TNKS: variants seen among roughly 807,000 people sequenced by gnomAD.
TNKS encodes poly [ADP-ribose] polymerase tankyrase-1.
TNKS carries 72 observed loss-of-function variants against 135.8 expected under a neutral mutation model. That is an observed-to-expected ratio of 0.53 (90% CI 0.44 to 0.64). The LOEUF (loss-of-function observed/expected upper bound fraction) is 0.64, where lower values mean the gene tolerates loss of function less well. TNKS is among the 30% of genes least tolerant of loss of function. TNKS has a pLI of 0.00. For synonymous variants in TNKS, 849 were observed against 649.3 expected, an observed-to-expected ratio of 1.31 and a Z score of -4.68; for missense variants, 1,769 against 1,674.0, an observed-to-expected ratio of 1.06 and a Z score of -0.99.
intron 5 of TNKS, 41 bp from the exon 6 acceptor site, chr8:9,704,622 T>G (rs1803962698): frequency 8.6e-6 from 13 of 1,520,376 alleles, no homozygotes; most frequent in Non-Finnish European, 1.2e-5. Flanking sequence ...TTTCTTTGTT[T>G]GTTTGTTTTT....
chr8:9,619,936 C>G (rs1305763096), intron 3 of TNKS, among the ~76,000 whole-genome samples: 1 of 151,560 alleles, frequency 6.6e-6, no homozygotes, highest in African/African-American at 2.4e-5. Flanking sequence ...AAATTTGGAA[C>G]TCTTTCCTTA....
chr8:9,595,971 G>C (rs1798772761), intron 2 of TNKS, among the ~76,000 whole-genome samples: 1 of 152,068 alleles, frequency 6.6e-6, no homozygotes, highest in Admixed American at 6.5e-5. Flanking sequence ...AATTAGCTGG[G>C]GGTGGTGGCA....
chr8:9,567,052 C>A (rs1181501791), intron 1 of TNKS, among the ~76,000 whole-genome samples: 1 of 152,158 alleles, frequency 6.6e-6, no homozygotes, highest in Non-Finnish European at 1.5e-5. Context: ...GAAATAAAAT[C>A]TGTATTTTGT....
At chr8:9,650,216 T>C (rs1454142349) in intron 3 of TNKS, among the ~76,000 whole-genome samples, 1 of 152,036 alleles carries the variant, frequency 6.6e-6, no homozygotes, top group Admixed American at 6.6e-5. Context: ...TTTATCTGCT[T>C]GTCGATTGAT....
intron 3 of TNKS, among the ~76,000 whole-genome samples, chr8:9,655,229 A>C (rs1298260062): frequency 6.6e-6 from 1 of 152,200 alleles, no homozygotes; most frequent in Non-Finnish European, 1.5e-5. Context: ...TTGAGTAGGT[A>C]AACAAAGCAG....
In TNKS at chr8:9,776,846, TA is replaced by T. The variant is rs1299291735; in HGVS notation, c.*112del. ...CTAGAAGTCCCTGACAGCCTAGAAA[TA>T]AGCTGTTTGTCTTCTATAAAGCATT... On this transcript the variant is annotated 3_prime_UTR_variant, in exon 27 of 27. Transcript: ENST00000310430. 18 of 1,053,020 alleles carry T rather than the reference TA, an allele frequency of 1.7e-5. No homozygotes were observed. The highest frequency in any genetic ancestry group is 1.6e-4 in the South Asian group (11 of 70,350). 65.2% of individuals were successfully genotyped at this position (1,053,020 alleles called of 1,614,324 possible).
chr8:9,705,180 T>G (rs1304709499), intron 6 of TNKS, among the ~76,000 whole-genome samples: 1 of 152,190 alleles, frequency 6.6e-6, no homozygotes, highest in Non-Finnish European at 1.5e-5. Flanking sequence ...GGTGAAATCT[T>G]GGACATCTAA....
At chr8:9,657,695 TG>T (rs1801466289) in intron 3 of TNKS, among the ~76,000 whole-genome samples, 1 of 63,612 alleles carries the variant, frequency 1.6e-5, no homozygotes, top group Non-Finnish European at 3.2e-5. Context: ...CTGGCCGGGC[TG>T]AGGGGCTCCT....
intron 1 of TNKS, among the ~76,000 whole-genome samples, chr8:9,567,952 G>C (rs971967847): frequency 2.0e-5 from 3 of 152,092 alleles, no homozygotes; most frequent in Non-Finnish European, 4.4e-5. Flanking sequence ...TGAAAAAAAA[G>C]GGGGGTATCA....
At chr8:9,567,273 G>T (rs2129050580) in intron 1 of TNKS, among the ~76,000 whole-genome samples, 1 of 152,264 alleles carries the variant, frequency 6.6e-6, no homozygotes, top group Middle Eastern at 3.4e-3. Flanking sequence ...TGGAACATTT[G>T]CAGTTACTAG....
intron 2 of TNKS, among the ~76,000 whole-genome samples, chr8:9,606,120 G>T (rs141755534): frequency 2.0e-5 from 3 of 147,236 alleles, no homozygotes; most frequent in African/African-American, 7.4e-5. Context: ...TTGAGTTAAT[G>T]TGTTTGTGTG....
chr8:9,719,356 T>A (rs1804756764), intron 11 of TNKS, among the ~76,000 whole-genome samples: 1 of 151,612 alleles, frequency 6.6e-6, no homozygotes, highest in African/African-American at 2.4e-5. Flanking sequence ...AGCATATAAT[T>A]GAGAATTTAC....
intron 3 of TNKS, among the ~76,000 whole-genome samples, chr8:9,630,885 A>T (rs1352226541): frequency 2.0e-5 from 3 of 152,366 alleles, no homozygotes; most frequent in African/African-American, 7.2e-5. Flanking sequence ...CTTTAAAAAA[A>T]TTAAATAATT....
intron 13 of TNKS, among the ~76,000 whole-genome samples, 196 bp from the exon 14 acceptor site, chr8:9,730,694 A>G (rs1006944566): frequency 1.3e-5 from 2 of 152,226 alleles, no homozygotes; most frequent in Non-Finnish European, 2.9e-5. Context: ...TGCTCTGTAC[A>G]TAATAAAAAA....
chr8:9,592,808 G>C (rs1425357162), intron 2 of TNKS, among the ~76,000 whole-genome samples: 1 of 152,118 alleles, frequency 6.6e-6, no homozygotes, highest in African/African-American at 2.4e-5. Context: ...TCTACTTCTT[G>C]ATTAGGTGAT....
chr8:9,707,314 T>C (rs1804094902), intron 8 of TNKS, among the ~76,000 whole-genome samples: 1 of 152,198 alleles, frequency 6.6e-6, no homozygotes, highest in Non-Finnish European at 1.5e-5. Flanking sequence ...ACTAGAAATA[T>C]AGCAGTGTAC....
At chr8:9,773,314 A>AT (rs1442699851) in intron 26 of TNKS, among the ~76,000 whole-genome samples, 2 of 152,154 alleles carry the variant, frequency 1.3e-5, no homozygotes, top group Non-Finnish European at 2.9e-5. Context: ...TATGTCTGAT[A>AT]TTTTTTAACA....
At chr8:9,700,442 T>A (rs961066937) in intron 5 of TNKS, among the ~76,000 whole-genome samples, 1 of 152,204 alleles carries the variant, frequency 6.6e-6, no homozygotes, top group African/African-American at 2.4e-5. Context: ...TGAATGCTAG[T>A]GATGACCAGA....
intron 18 of TNKS, among the ~76,000 whole-genome samples, chr8:9,749,529 C>T (rs1207145652): frequency 6.6e-6 from 1 of 150,600 alleles, no homozygotes; most frequent in Non-Finnish European, 1.5e-5. Flanking sequence ...AGCCAGAGTG[C>T]AGTGGCGTGA....
Sources: gnomAD v4.1 joint callset for allele counts (sites outside exome capture counted in the v4.1 genomes callset) on GRCh38, gnomAD v4.1.1 for gene constraint, MANE v1.5 for transcripts, NCBI Gene and HGNC (gene_info 2026-07-23, HGNC 2026-07-21) for gene names.